The following DLG2 variants were observed in gnomAD, a reference collection of about 807,000 sequenced individuals.
The protein encoded by DLG2 is disks large homolog 2.
Under a neutral mutation model 132.5 loss-of-function variants are expected in DLG2, and 45 were observed. The observed-to-expected ratio is 0.34, with a 90% confidence interval of 0.27 to 0.44. The LOEUF is 0.44. DLG2 is among the 20% of genes least tolerant of loss of function. The pLI is 1.00. For synonymous variants in DLG2, 424 were observed against 419.6 expected, an observed-to-expected ratio of 1.01 and a Z score of -0.13; for missense variants, 1,045 against 1,196.9, an observed-to-expected ratio of 0.87 and a Z score of 1.87.
intron 19 of DLG2, among the ~76,000 whole-genome samples, chr11:83,544,016 C>A (rs2096165281): frequency 6.6e-6 from 1 of 152,148 alleles, no homozygotes; most frequent in Non-Finnish European, 1.5e-5. Flanking sequence ...ATGTGCTAGG[C>A]AGAGGCTGCC....
intron 3 of DLG2, among the ~76,000 whole-genome samples, chr11:85,407,631 G>C (rs79227764): frequency 0.055 from 8,340 of 151,828 alleles, 274 homozygotes; most frequent in Middle Eastern, 0.16. Context: ...AGCAGCACAA[G>C]CAGGGAAAGT....
intron 6 of DLG2, among the ~76,000 whole-genome samples, chr11:84,667,663 A>AT (rs148714714): frequency 0.07 from 10,566 of 151,332 alleles, 527 homozygotes; most frequent in South Asian, 0.2. Context: ...CGCCTAGCTA[A>AT]TTTTTTTGTA....
chr11:83,596,779 T>C (rs1316003478), intron 19 of DLG2, among the ~76,000 whole-genome samples: 2 of 151,888 alleles, frequency 1.3e-5, no homozygotes, highest in African/African-American at 4.8e-5. Flanking sequence ...CTCCACACTT[T>C]TGTACATGCT....
At chr11:85,266,826 G>C (rs938374813) in intron 4 of DLG2, among the ~76,000 whole-genome samples, 1 of 152,106 alleles carries the variant, frequency 6.6e-6, no homozygotes, top group South Asian at 2.1e-4. Context: ...AGAAACATTT[G>C]CTTCACAAGG....
intron 11 of DLG2, among the ~76,000 whole-genome samples, chr11:83,982,888 CGTT>C (rs1012767466): frequency 6.6e-6 from 1 of 152,088 alleles, no homozygotes; most frequent in African/African-American, 2.4e-5. Context: ...AAATAGTTAT[CGTT>C]GTTTTGCAAT....
rs1170541406 is a variant in DLG2 at position 83,459,838 on chromosome 11, G to A, written c.2908C>T (p.Pro970Ser). 6.2e-7 allele frequency: 1 copy of A among 1,606,308 alleles called. No homozygotes were observed. Among genetic ancestry groups the A allele is most frequent in the Non-Finnish European group, 8.5e-7 (1 of 1,172,964 alleles). ...EEQSGPFIWI[P>S]SKEKL ...CTAATTTATAACTTTTCCTTTGAGG[G>A]AATCCAGATGAAAGGCCCAGATTGC... The change falls in exon 28 of 28, where the codon CCC becomes TCC. Residue 970 changes from proline (P) to serine (S), a missense_variant. Pro to Ser is a moderately conservative substitution (Grantham distance 74). Coordinates refer to ENST00000376104, the MANE Select transcript of DLG2 (RefSeq NM_001142699.3).
At chr11:85,137,531 G>T (rs954156044) in intron 5 of DLG2, among the ~76,000 whole-genome samples, 9 of 151,960 alleles carry the variant, frequency 5.9e-5, no homozygotes, top group African/African-American at 2.2e-4. Context: ...GATACAAAAG[G>T]CCTTCTCCTT....
chr11:84,400,101 G>A (rs757303248), intron 7 of DLG2, among the ~76,000 whole-genome samples: 1 of 152,156 alleles, frequency 6.6e-6, no homozygotes, highest in Admixed American at 6.5e-5. Flanking sequence ...CACACTCAAG[G>A]AGCTTATAAA....
chr11:83,707,366 CAT>C (rs1254727555), intron 18 of DLG2, among the ~76,000 whole-genome samples: 2 of 152,190 alleles, frequency 1.3e-5, no homozygotes, highest in Admixed American at 6.5e-5. Flanking sequence ...CAGTGCATGA[CAT>C]ATAACAAGTG....
intron 9 of DLG2, among the ~76,000 whole-genome samples, chr11:84,107,036 A>C (rs1056991799): frequency 4.6e-5 from 6 of 130,640 alleles, no homozygotes; most frequent in African/African-American, 1.7e-4. Flanking sequence ...GCCTTAGGGG[A>C]GATATGTGGC....
intron 24 of DLG2, among the ~76,000 whole-genome samples, chr11:83,470,414 ACTTT>A (rs895683642): frequency 2.0e-5 from 3 of 152,158 alleles, no homozygotes; most frequent in Non-Finnish European, 2.9e-5. Flanking sequence ...TTCTCGTTTA[ACTTT>A]CTTTTTAGTG....
At chr11:85,117,479 A>G (rs1350755077) in intron 5 of DLG2, among the ~76,000 whole-genome samples, 1 of 151,968 alleles carries the variant, frequency 6.6e-6, no homozygotes, top group Admixed American at 6.6e-5. Context: ...TCTTACTGTT[A>G]TTATATGTCA....
chr11:84,039,166 C>A (rs1048335196), intron 11 of DLG2, among the ~76,000 whole-genome samples: 1 of 151,628 alleles, frequency 6.6e-6, no homozygotes, highest in Non-Finnish European at 1.5e-5. Context: ...ACTTTAAGTG[C>A]ATTCATTCAT....
intron 3 of DLG2, among the ~76,000 whole-genome samples, chr11:85,583,098 G>A (rs1185276602): frequency 4.0e-4 from 16 of 39,602 alleles, no homozygotes; most frequent in Admixed American, 1.6e-3. Flanking sequence ...ATGTGTGTGT[G>A]TGTGTGTGTG....
At chr11:83,929,406 A>G (rs968707518) in intron 15 of DLG2, among the ~76,000 whole-genome samples, 6 of 152,128 alleles carry the variant, frequency 3.9e-5, no homozygotes, top group Non-Finnish European at 8.8e-5. Flanking sequence ...CTCTGTTTAG[A>G]CTGAATTGGA....
chr11:85,476,750 G>A (rs2093154841), intron 3 of DLG2, among the ~76,000 whole-genome samples: 1 of 151,698 alleles, frequency 6.6e-6, no homozygotes, highest in South Asian at 2.1e-4. Flanking sequence ...AGCTCTTCAG[G>A]GACAATAACA....
At chr11:85,432,644 C>A (rs192026067) in intron 3 of DLG2, among the ~76,000 whole-genome samples, 1 of 151,936 alleles carries the variant, frequency 6.6e-6, no homozygotes, top group Admixed American at 6.6e-5. Context: ...ATGAACAAAC[C>A]AAACCTCCCA....
chr11:84,190,057 G>T lies in DLG2; in HGVS notation c.574-26546C>A, dbSNP rs374220519. Among the ~76,000 whole-genome samples the T allele has an allele frequency of 1.8e-4, 27 of 151,976 alleles. No individual in the cohort carries two copies. In the East Asian group the frequency reaches 5.0e-3, roughly 28 times the overall value. On this transcript the variant is annotated intron_variant, in intron 8 of 27. Coordinates refer to ENST00000376104, the MANE Select transcript of DLG2 (RefSeq NM_001142699.3). ...GCACAGTAAGGTAAGTGTCAAGATA[G>T]AAAGATGGTAGTATGGGAGTCCATA... is the stretch of plus-strand genomic sequence containing the variant.
chr11:83,466,685 G>A, intron 26 of DLG2, 23 bp downstream of exon 26: 3 of 1,349,386 alleles, frequency 2.2e-6, no homozygotes, highest in Non-Finnish European at 3.2e-6. Context: ...GTTGGATGAA[G>A]GCCTCCAATG....
Sources: gnomAD v4.1 joint callset for allele counts (sites outside exome capture counted in the v4.1 genomes callset) on GRCh38, gnomAD v4.1.1 for gene constraint, MANE v1.5 for transcripts, NCBI Gene and HGNC (gene_info 2026-07-23, HGNC 2026-07-21) for gene names.